The following ATP6V1H variants were observed in gnomAD, a reference collection of about 807,000 sequenced individuals.
ATP6V1H encodes V-type proton ATPase subunit H.
ATP6V1H carries 39 observed loss-of-function variants against 71.7 expected under a neutral mutation model. That is an observed-to-expected ratio of 0.54 (90% CI 0.42 to 0.71). The LOEUF is 0.71. ATP6V1H is among the 30% of genes least tolerant of loss of function. The pLI, the probability that ATP6V1H is intolerant of heterozygous loss-of-function variation, is 0.00. For missense variants in ATP6V1H, 509 were observed against 594.9 expected, an observed-to-expected ratio of 0.86 and a Z score of 1.50; for synonymous variants, 192 against 199.3, an observed-to-expected ratio of 0.96 and a Z score of 0.31.
chr8:53,742,752 G>A (rs1293474578), intron 13 of ATP6V1H, among the ~76,000 whole-genome samples: 1 of 152,176 alleles, frequency 6.6e-6, no homozygotes, highest in Admixed American at 6.5e-5. Context: ...ATCTTCAAAC[G>A]CACTCATGCT....
chr8:53,767,132 C>T (rs1429061863), intron 11 of ATP6V1H, among the ~76,000 whole-genome samples: 1 of 152,172 alleles, frequency 6.6e-6, no homozygotes, highest in Admixed American at 6.5e-5. Flanking sequence ...TTTCTCAAGC[C>T]AGCTGACACT....
At chr8:53,837,309 A>G (rs530860810) in intron 2 of ATP6V1H, among the ~76,000 whole-genome samples, 6 of 152,330 alleles carry the variant, frequency 3.9e-5, no homozygotes, top group African/African-American at 1.2e-4. Flanking sequence ...TAATTTAGTC[A>G]ACTAATATTA....
At chr8:53,720,881 C>T (rs936235061) in intron 13 of ATP6V1H, among the ~76,000 whole-genome samples, 14 of 152,144 alleles carry the variant, frequency 9.2e-5, no homozygotes, top group Admixed American at 3.9e-4. Flanking sequence ...CTTTAGTGTG[C>T]AAATTTTTCA....
intron 13 of ATP6V1H, among the ~76,000 whole-genome samples, chr8:53,740,162 CTTA>C (rs1378417932): frequency 6.6e-6 from 1 of 152,152 alleles, no homozygotes. Flanking sequence ...TATTTAACTC[CTTA>C]TAACAGAATC....
At chr8:53,733,542 A>G (rs945300286) in intron 13 of ATP6V1H, among the ~76,000 whole-genome samples, 1 of 152,244 alleles carries the variant, frequency 6.6e-6, no homozygotes, top group South Asian at 2.1e-4. Flanking sequence ...GTCCAAAAAG[A>G]AAGCTCAGAT....
chr8:53,786,726 G>A (rs1252024141), intron 9 of ATP6V1H, among the ~76,000 whole-genome samples: 1 of 152,164 alleles, frequency 6.6e-6, no homozygotes, highest in East Asian at 1.9e-4. Flanking sequence ...CTCAACAAAA[G>A]CAAAAGTGAC....
intron 4 of ATP6V1H, among the ~76,000 whole-genome samples, chr8:53,828,802 CT>C (rs1262909663): frequency 6.6e-6 from 1 of 152,144 alleles, no homozygotes; most frequent in East Asian, 1.9e-4. Flanking sequence ...CAGACTGACT[CT>C]TTCCTTCAAG....
chr8:53,745,260 G>C (rs1410605561), intron 12 of ATP6V1H, among the ~76,000 whole-genome samples: 1 of 152,056 alleles, frequency 6.6e-6, no homozygotes, highest in East Asian at 1.9e-4. Context: ...AATTAGCCAG[G>C]CATGGTGGTG....
chr8:53,791,834 C>T (rs1809573667), intron 9 of ATP6V1H, among the ~76,000 whole-genome samples: 1 of 152,170 alleles, frequency 6.6e-6, no homozygotes, highest in South Asian at 2.1e-4. Context: ...TTCACCAAAC[C>T]ATAAGACCTT....
chr8:53,814,272 C>T (rs972991353), intron 6 of ATP6V1H, among the ~76,000 whole-genome samples: 4 of 152,044 alleles, frequency 2.6e-5, no homozygotes, highest in African/African-American at 9.7e-5. Context: ...TCTCTCGGCC[C>T]GAGGCATGCT....
intron 6 of ATP6V1H, among the ~76,000 whole-genome samples, chr8:53,812,630 C>T (rs893623376): frequency 6.6e-6 from 1 of 152,206 alleles, no homozygotes; most frequent in African/African-American, 2.4e-5. Context: ...AATTCAGCTA[C>T]AGAGCCTTAT....
intron 11 of ATP6V1H, among the ~76,000 whole-genome samples, chr8:53,764,911 C>A (rs1808397772): frequency 6.6e-6 from 1 of 152,048 alleles, no homozygotes; most frequent in Admixed American, 6.6e-5. Flanking sequence ...CCAACCTGTG[C>A]AACAGAGTGA....
chr8:53,787,410 G>GT (rs1222901233), intron 9 of ATP6V1H, among the ~76,000 whole-genome samples: 1 of 152,208 alleles, frequency 6.6e-6, no homozygotes, highest in Non-Finnish European at 1.5e-5. Flanking sequence ...AGGGTTATGA[G>GT]TATGAACTGC....
rs534991165 is a variant in ATP6V1H, at chr8:53,813,090, T to C, written c.525+1572A>G. 2.3e-4 allele frequency among the ~76,000 whole-genome samples: 35 copies of C among 152,330 alleles called. No individual in the cohort carries two copies. In the South Asian group the frequency reaches 6.6e-3, roughly 29 times the overall value. On this transcript the variant is annotated intron_variant, in intron 6 of 13. Transcript: ENST00000359530. The stretch of plus-strand genomic sequence containing the variant: ...ACTAACATTCTGATCCCAACCAATA[T>C]GCTACATTTAGAAATTTTAAATCTC...
intron 11 of ATP6V1H, among the ~76,000 whole-genome samples, chr8:53,768,913 T>G (rs1808558906): frequency 2.6e-5 from 4 of 152,174 alleles, no homozygotes. Flanking sequence ...ACAGATGAAT[T>G]GTATGCTATA....
At chr8:53,800,407 G>A (rs1481342010) in intron 8 of ATP6V1H, among the ~76,000 whole-genome samples, 1 of 152,222 alleles carries the variant, frequency 6.6e-6, no homozygotes, top group Non-Finnish European at 1.5e-5. Context: ...ACAGAGGAAA[G>A]TGTTTCACAA....
rs183009433 is a variant in ATP6V1H, at chr8:53,741,023, A to G, written c.1391+2554T>C. Reference sequence around the variant, plus strand: ...CATTAAATGCAAAGGAGATAATCGTAGTTAAAACATTAAAATTTAAAAAGT... The same window carrying G: ...CATTAAATGCAAAGGAGATAATCGTGGTTAAAACATTAAAATTTAAAAAGT... On this transcript the variant is annotated intron_variant, in intron 13 of 13. Transcript: ENST00000359530. 2.5e-3 allele frequency among the ~76,000 whole-genome samples: 383 copies of G among 152,328 alleles called. 3 individuals carry two copies. The highest frequency in any genetic ancestry group is 0.014 in the Middle Eastern group (4 of 294).
chr8:53,826,939 G>A (rs964478557), intron 4 of ATP6V1H, among the ~76,000 whole-genome samples: 2 of 150,120 alleles, frequency 1.3e-5, no homozygotes, highest in African/African-American at 2.5e-5. Context: ...AGGACAGAAC[G>A]GAATTCTGTC....
chr8:53,746,249 ATAT>A (rs994024801), intron 12 of ATP6V1H, among the ~76,000 whole-genome samples: 2 of 151,758 alleles, frequency 1.3e-5, no homozygotes, highest in East Asian at 1.9e-4. Flanking sequence ...TTAATGATTG[ATAT>A]TATTATGTTT....
Sources: gnomAD v4.1 joint callset for allele counts (sites outside exome capture counted in the v4.1 genomes callset) on GRCh38, gnomAD v4.1.1 for gene constraint, MANE v1.5 for transcripts, NCBI Gene and HGNC (gene_info 2026-07-23, HGNC 2026-07-21) for gene names.